ZCCHC4: variants seen among roughly 807,000 people sequenced by gnomAD.
ZCCHC4 encodes the protein rRNA N(6)-adenosine-methyltransferase ZCCHC4.
A neutral mutation model predicts 67.7 loss-of-function variants in ZCCHC4; 54 were observed. That is an observed-to-expected ratio of 0.80 (90% CI 0.64 to 1.00). The LOEUF is 1.00. ZCCHC4 is among the 50% of genes least tolerant of loss of function. The pLI is 0.00. For missense variants in ZCCHC4, 609 were observed against 617.0 expected (o/e 0.99, Z 0.14); for synonymous variants, 198 against 213.5 (o/e 0.93, Z 0.63).
intron 4 of ZCCHC4, 46 bp from the exon 5 acceptor site, chr4:25,333,862 G>T: frequency 7.8e-7 from 1 of 1,289,386 alleles, no homozygotes; most frequent in South Asian, 1.4e-5. Context: ...TATTGTCTAT[G>T]ACATTTGTAA....
At chr4:25,352,377 G>C (rs1720341837) in intron 8 of ZCCHC4, 19 of 984,728 alleles carry the variant, frequency 1.9e-5, no homozygotes, top group Non-Finnish European at 2.3e-5. Flanking sequence ...CCCTGTTGTC[G>C]CCATCACTGT....
chr4:25,324,014 G>GTTTTTTTTTTTGTTTTTTTTTTTT (rs1718725200), intron 3 of ZCCHC4, among the ~76,000 whole-genome samples: 1 of 82,446 alleles, frequency 1.2e-5, no homozygotes, highest in African/African-American at 5.2e-5. Context: ...TGTTTTTTGT[G>GTTTTTTTTTTTGTTTTTTTTTTTT]TTTTTTTTTT....
intron 8 of ZCCHC4, among the ~76,000 whole-genome samples, chr4:25,358,054 G>T (rs62409202): frequency 6.6e-6 from 1 of 152,346 alleles, no homozygotes; most frequent in Non-Finnish European, 1.5e-5. Flanking sequence ...GAGAATGCTT[G>T]TGGATAATAG....
At chr4:25,349,663 A>G (rs1283669700) in intron 7 of ZCCHC4, 21 bp downstream of exon 7, 3 of 1,608,030 alleles carry the variant, frequency 1.9e-6, no homozygotes, top group East Asian at 4.5e-5. Flanking sequence ...TATTACTGCA[A>G]AATAAATACA....
At position 25,332,953 on chromosome 4, in the gene ZCCHC4, A is replaced by C. The variant is rs549622939; in HGVS notation, c.330-230A>C. ...GATATTGATCTTCATTCAGTGACTA[A>C]ATTGGAGTGTCTCAATTCTTATGAA... On this transcript the variant is annotated intron_variant, in intron 3 of 12. Transcript: ENST00000302874. Among the ~76,000 whole-genome samples, 6 of 152,286 alleles carry C rather than the reference A, an allele frequency of 3.9e-5. No individual in the cohort carries two copies. The East Asian group carries it at 7.7e-4, about 20-fold the overall frequency.
intron 5 of ZCCHC4, among the ~76,000 whole-genome samples, chr4:25,335,102 T>C (rs1337274125): frequency 2.0e-5 from 3 of 152,192 alleles, no homozygotes; most frequent in Non-Finnish European, 4.4e-5. Context: ...ATTACAGACA[T>C]GAGCCACCAA....
intron 11 of ZCCHC4, 146 bp downstream of exon 11, chr4:25,364,651 T>A: frequency 1.3e-6 from 1 of 747,210 alleles, no homozygotes; most frequent in Non-Finnish European, 2.1e-6. Context: ...TTTATAGTTA[T>A]CAGCATGTAT....
At chr4:25,358,113 C>G (rs1720585244) in intron 8 of ZCCHC4, among the ~76,000 whole-genome samples, 1 of 152,222 alleles carries the variant, frequency 6.6e-6, no homozygotes, top group Non-Finnish European at 1.5e-5. Context: ...CATGCTTGTT[C>G]ACTTCGGTTT....
chr4:25,333,660 T>C (rs531018263), intron 4 of ZCCHC4, among the ~76,000 whole-genome samples: 122 of 152,366 alleles, frequency 8.0e-4, no homozygotes, highest in African/African-American at 2.8e-3. Flanking sequence ...TTCTGATGCA[T>C]GAGAGAAGAT....
chr4:25,313,012 T>G, intron 1 of ZCCHC4, 76 bp downstream of exon 1: 1 of 1,560,132 alleles, frequency 6.4e-7, no homozygotes, highest in Non-Finnish European at 8.6e-7. Flanking sequence ...CTTTTGGGGC[T>G]CCTGTATTTT....
chr4:25,315,995 A>C (rs1013649575), intron 3 of ZCCHC4, among the ~76,000 whole-genome samples: 5 of 152,250 alleles, frequency 3.3e-5, no homozygotes, highest in Non-Finnish European at 7.3e-5. Context: ...TGAAGGTTAC[A>C]GGCATGAGCC....
chr4:25,369,422 T>C lies in ZCCHC4; in HGVS notation c.*258T>C, dbSNP rs1721063926. The C allele has an allele frequency of 2.4e-6, 1 of 422,940 alleles. No homozygotes were observed. Among genetic ancestry groups the C allele is most frequent in the African/African-American group, 2.1e-5 (1 of 47,612 alleles). The allele number at this position is 422,940 out of a possible 1,614,324, so 26.2% of individuals were successfully genotyped here. A position where few individuals can be genotyped will look rare whatever the true frequency, so the allele number is the denominator to read the frequency against. ...TCACTTTAAGTCTCTCCCAGTCACA[T>C]TGTTCTATTTTTATGTTTTCATTTT... On this transcript the variant is annotated 3_prime_UTR_variant, in exon 13 of 13. Coordinates refer to ENST00000302874, the MANE Select transcript of ZCCHC4 (RefSeq NM_024936.3).
intron 8 of ZCCHC4, chr4:25,361,656 A>C: frequency 1.8e-6 from 1 of 550,454 alleles, no homozygotes; most frequent in Non-Finnish European, 3.2e-6. Context: ...GAAACTGTCT[A>C]TGATCCTTGA....
In ZCCHC4 at chr4:25,369,382, A is replaced by G. The variant is rs1577357945; in HGVS notation, c.*218A>G. 3.7e-6 allele frequency: 2 copies of G among 540,446 alleles called. No homozygotes were observed. Among genetic ancestry groups the G allele is most frequent in the East Asian group, 6.8e-5 (2 of 29,218 alleles). 33.5% of individuals were successfully genotyped at this position (540,446 alleles called of 1,614,324 possible). ...CTTCAGCCAGTTTACTAGTTCTTTCAGCATTCATTTTTCCTCACTTTAAGT... is the reference window on the plus strand; with the variant it reads ...CTTCAGCCAGTTTACTAGTTCTTTCGGCATTCATTTTTCCTCACTTTAAGT... On this transcript the variant is annotated 3_prime_UTR_variant, in exon 13 of 13. Coordinates refer to ENST00000302874, the MANE Select transcript of ZCCHC4 (RefSeq NM_024936.3).
Position 25,351,571 on chromosome 4 carries a change from CT to C in ZCCHC4, c.911-13del. On this transcript the variant is annotated splice_polypyrimidine_tract_variant and intron_variant, in intron 7 of 12. Coordinates refer to ENST00000302874, the MANE Select transcript of ZCCHC4 (RefSeq NM_024936.3). ...TTCTTTAATTTACTATTATTTTTTC[CT>C]TTTTGTGATCCATTAGATGACAGTC... is the stretch of plus-strand genomic sequence containing the variant. The C allele has an allele frequency of 1.3e-6, 2 of 1,532,862 alleles. No homozygotes were observed. The highest frequency in any genetic ancestry group is 2.3e-5 in the East Asian group (1 of 43,932). The allele number at this position is 1,532,862 out of a possible 1,614,324, so 95.0% of individuals were successfully genotyped here. A position where few individuals can be genotyped will look rare whatever the true frequency, so the allele number is the denominator to read the frequency against.
chr4:25,323,523 A>G (rs917944541), intron 3 of ZCCHC4, among the ~76,000 whole-genome samples: 3 of 152,192 alleles, frequency 2.0e-5, no homozygotes, highest in Non-Finnish European at 4.4e-5. Flanking sequence ...AATTTTCACA[A>G]TATGATGGGG....
At chr4:25,315,458 C>A in intron 3 of ZCCHC4, 58 bp downstream of exon 3, 1 of 1,314,536 alleles carries the variant, frequency 7.6e-7, no homozygotes, top group Non-Finnish European at 1.0e-6. Flanking sequence ...TTTGTTATTG[C>A]CTTTTTCTGT....
At chr4:25,338,558 C>T (rs1220207454) in intron 5 of ZCCHC4, among the ~76,000 whole-genome samples, 1 of 152,152 alleles carries the variant, frequency 6.6e-6, no homozygotes, top group Admixed American at 6.5e-5. Flanking sequence ...ATTTACCATG[C>T]CCCCAGCCTT....
chr4:25,368,915 G>C (rs1275906047), intron 12 of ZCCHC4, 114 bp from the exon 13 acceptor site: 1 of 1,283,896 alleles, frequency 7.8e-7, no homozygotes, highest in African/African-American at 1.5e-5. Context: ...CAATACAGTA[G>C]ATTCTTTCCC....
Sources: allele counts gnomAD v4.1 joint callset (sites outside exome capture counted in the v4.1 genomes callset), GRCh38; gene constraint gnomAD v4.1.1; transcripts MANE v1.5; gene names NCBI Gene and HGNC (gene_info 2026-07-23, HGNC 2026-07-21).